ZNF141: variants seen among roughly 807,000 people sequenced by gnomAD.
ZNF141 encodes the protein zinc finger protein 141.
Under a neutral mutation model 11.3 loss-of-function variants are expected in ZNF141, and 7 were observed. The observed-to-expected ratio is 0.62, with a 90% CI of 0.35 to 1.16. The LOEUF is 1.16. Ranked by LOEUF, ZNF141 falls within the 50% of genes most tolerant of loss-of-function variation. ZNF141 has a pLI of 0.02. For missense variants in ZNF141, 535 were observed against 554.0 expected (o/e 0.97, Z 0.34); for synonymous variants, 183 against 190.7 (o/e 0.96, Z 0.33).
intron 3 of ZNF141, among the ~76,000 whole-genome samples, chr4:371,171 T>C (rs183102869): frequency 1.1e-4 from 17 of 150,396 alleles, no homozygotes; most frequent in African/African-American, 3.4e-4. Flanking sequence ...ATTTAGCTCA[T>C]TGAGTTTTAT....
In ZNF141 at chr4:384,713, T is replaced by A. The variant is rs529304182; in HGVS notation, c.*10851T>A. 6.6e-6 allele frequency: 1 copy of A among 152,238 alleles called. No individual in the cohort carries two copies. Among genetic ancestry groups the A allele is most frequent in the South Asian group, 2.1e-4 (1 of 4,822 alleles). 9.4% of individuals were successfully genotyped at this position (152,238 alleles called of 1,614,324 possible). A position where few individuals can be genotyped will look rare whatever the true frequency, so the allele number is the denominator to read the frequency against. On this transcript the variant is annotated 3_prime_UTR_variant, in exon 4 of 4. Transcript: ENST00000240499. ...GATACAACACCCTTAGCGGGGAAAT[T>A]TACCCCTCCCATTTGGGCAGAACCC... is the stretch of plus-strand genomic sequence containing the variant.
At chr4:349,421 TTTCTTTTCCACTCTGGAGAGC>T in intron 3 of ZNF141, among the ~76,000 whole-genome samples, 1 of 152,274 alleles carries the variant, frequency 6.6e-6, no homozygotes, top group Non-Finnish European at 1.5e-5. Flanking sequence ...AACTTTTTTA[TTTCTTTTCCACTCTGGAGAGC>T]TTTATTCTCC....
intron 1 of ZNF141, among the ~76,000 whole-genome samples, chr4:341,749 A>C (rs868966348): frequency 2.0e-5 from 3 of 152,198 alleles, no homozygotes; most frequent in African/African-American, 7.2e-5. Context: ...AGAACTGATT[A>C]ATAGAGGAGA....
Position 372,792 on chromosome 4 carries a change from A to C in ZNF141, c.355A>C (p.Ser119Arg). 1 of 1,613,956 alleles carries C rather than the reference A, an allele frequency of 6.2e-7. No homozygotes were observed. Among genetic ancestry groups the C allele is most frequent in the Non-Finnish European group, 8.5e-7 (1 of 1,179,916 alleles). The change falls in exon 4 of 4, where the codon AGT becomes CGT. Residue 119 changes from serine to arginine, a missense_variant. Coordinates refer to ENST00000240499, the MANE Select transcript of ZNF141 (RefSeq NM_003441.4). ...DNLQLRKGCKSLNECKLQKGG... is the reference protein window; with the variant it reads ...DNLQLRKGCKRLNECKLQKGG... ...TTTACAATTAAGAAAAGGCTGTAAA[A>C]GTTTGAATGAGTGTAAGTTGCAGAA...
intron 3 of ZNF141, among the ~76,000 whole-genome samples, chr4:365,342 C>T (rs570231084): frequency 6.6e-6 from 1 of 152,314 alleles, no homozygotes; most frequent in African/African-American, 2.4e-5. Flanking sequence ...CTGCACTGCA[C>T]CCACTGTCCA....
At chr4:365,503 G>T (rs1364664138) in intron 3 of ZNF141, among the ~76,000 whole-genome samples, 1 of 145,526 alleles carries the variant, frequency 6.9e-6, no homozygotes, top group Non-Finnish European at 1.6e-5. Flanking sequence ...TAAATTGTGT[G>T]TTATTTTTGT....
Position 337,877 on chromosome 4 carries a change from G to T in ZNF141, c.-107G>T. The T allele has an allele frequency of 1.4e-6, 2 of 1,449,542 alleles. No individual in the cohort carries two copies. The highest frequency in any genetic ancestry group is 1.9e-6 in the Non-Finnish European group (2 of 1,046,194). 89.8% of individuals were successfully genotyped at this position (1,449,542 alleles called of 1,614,324 possible). Reference sequence around the variant, plus strand: ...GCTTCATCTCTCTGCGTTCTCAGTTGTGGGAGGCCTTGGTGATTCGGCCAC... The same window carrying T: ...GCTTCATCTCTCTGCGTTCTCAGTTTTGGGAGGCCTTGGTGATTCGGCCAC... On this transcript the variant is annotated 5_prime_UTR_variant, in exon 1 of 4. Coordinates refer to ENST00000240499, the MANE Select transcript of ZNF141 (RefSeq NM_003441.4).
intron 1 of ZNF141, among the ~76,000 whole-genome samples, chr4:341,062 A>C (rs1213192463): frequency 1.4e-5 from 2 of 145,610 alleles, no homozygotes; most frequent in Admixed American, 6.9e-5. Context: ...TAGGTCAAAA[A>C]AACATTTTTC....
Position 372,612 on chromosome 4 carries a change from T to C in ZNF141, c.227-52T>C, listed in dbSNP as rs184679082. On this transcript the variant is annotated intron_variant, in intron 3 of 3. Coordinates refer to ENST00000240499, the MANE Select transcript of ZNF141 (RefSeq NM_003441.4). ...ATAATTTCATAAGATTTGTAAAGTA[T>C]ATTTATATGAATCTACTAAGTGGGA... 9.0e-5 allele frequency: 123 copies of C among 1,373,300 alleles called. 2 individuals carry two copies. The East Asian group carries it at 1.9e-3, about 21-fold the overall frequency. 85.1% of individuals were successfully genotyped at this position (1,373,300 alleles called of 1,614,324 possible).
intron 1 of ZNF141, chr4:342,713 A>T (rs1721110047): frequency 9.2e-7 from 1 of 1,083,492 alleles, no homozygotes; most frequent in Admixed American, 1.9e-5. Flanking sequence ...TGTTCTGCCC[A>T]CAGATCCTGT....
rs1372101225 is a variant in ZNF141 at position 379,163 on chromosome 4, A to G, written c.*5301A>G. Among the ~76,000 whole-genome samples, 1 of 151,804 alleles carries G rather than the reference A, an allele frequency of 6.6e-6. No individual in the cohort carries two copies. On this transcript the variant is annotated 3_prime_UTR_variant, in exon 4 of 4. Transcript: ENST00000240499. ...CAGCCTCTCAGTGATTTTTGATGCAAATTCATTTACTGTGTTCACGAAGTG... is the reference window on the plus strand; with the variant it reads ...CAGCCTCTCAGTGATTTTTGATGCAGATTCATTTACTGTGTTCACGAAGTG...
intron 3 of ZNF141, among the ~76,000 whole-genome samples, chr4:360,834 A>G (rs1160249074): frequency 6.6e-6 from 1 of 152,146 alleles, no homozygotes; most frequent in Non-Finnish European, 1.5e-5. Context: ...CGAATTTTCT[A>G]TTGCCTATAA....
At chr4:346,437 C>T (rs2108687087) in intron 3 of ZNF141, among the ~76,000 whole-genome samples, 1 of 152,272 alleles carries the variant, frequency 6.6e-6, no homozygotes, top group East Asian at 1.9e-4. Context: ...TCTATTACTT[C>T]ACCTAGATAA....
rs1553854772 is a variant in ZNF141, at chr4:377,111, AC to A, written c.*3252del. On this transcript the variant is annotated 3_prime_UTR_variant, in exon 4 of 4. Coordinates refer to ENST00000240499, the MANE Select transcript of ZNF141 (RefSeq NM_003441.4). ...TTCATTTTGTTGTTTTAATTTAAGA[AC>A]CCTATATAAGCTGTTTTCTTTAGTT... Among the ~76,000 whole-genome samples the A allele has an allele frequency of 1.3e-5, 2 of 152,112 alleles. No homozygotes were observed. The highest frequency in any genetic ancestry group is 4.8e-5 in the African/African-American group (2 of 41,432).
At position 373,858 on chromosome 4, in the gene ZNF141, C is replaced by T. The variant is rs587776959; in HGVS notation, c.1421C>T (p.Thr474Ile). Residue 474 changes from threonine (T) to isoleucine (I), a missense_variant, in exon 4 of 4, where the codon ACT becomes ATT. Transcript: ENST00000240499. ...SHLNKHKKIHT is the reference protein window; with the variant it reads ...SHLNKHKKIHI The stretch of plus-strand genomic sequence containing the variant: ...CTGAATAAACATAAGAAAATTCATA[C>T]TTGAGAGAAATCCTACAAATGTAAA... 1.3e-6 allele frequency: 2 copies of T among 1,598,106 alleles called. No homozygotes were observed. The highest frequency in any genetic ancestry group is 1.7e-6 in the Non-Finnish European group (2 of 1,171,834).
chr4:351,692 G>A (rs1721610736), intron 3 of ZNF141, among the ~76,000 whole-genome samples: 1 of 152,082 alleles, frequency 6.6e-6, no homozygotes, highest in Non-Finnish European at 1.5e-5. Context: ...CTGGGAATCC[G>A]AGACCTAAGC....
In ZNF141 at chr4:366,864, C is replaced by T. The variant is rs374539019; in HGVS notation, c.227-5800C>T. On this transcript the variant is annotated intron_variant, in intron 3 of 3. Coordinates refer to ENST00000240499, the MANE Select transcript of ZNF141 (RefSeq NM_003441.4). The stretch of plus-strand genomic sequence containing the variant: ...TGTATTTTTAGGAGAGACAGTGTTT[C>T]GCCATGTTGACCAGGCTGGTCTTGA... 1.3e-4 allele frequency among the ~76,000 whole-genome samples: 19 copies of T among 151,946 alleles called. 1 individual carries two copies. The highest frequency in any genetic ancestry group is 6.9e-3 in the Middle Eastern group (2 of 288).
intron 3 of ZNF141, among the ~76,000 whole-genome samples, chr4:350,868 T>C (rs1721562051): frequency 6.6e-6 from 1 of 151,606 alleles, no homozygotes; most frequent in African/African-American, 2.4e-5. Context: ...ACCTCCAGAG[T>C]AGCTGGGATT....
At chr4:351,575 C>T (rs149058744) in intron 3 of ZNF141, among the ~76,000 whole-genome samples, 7 of 152,218 alleles carry the variant, frequency 4.6e-5, no homozygotes, top group African/African-American at 1.7e-4. Context: ...ATGTAAGTGC[C>T]TTACAATTTT....
Sources: allele counts gnomAD v4.1 joint callset (sites outside exome capture counted in the v4.1 genomes callset), GRCh38; gene constraint gnomAD v4.1.1; transcripts MANE v1.5; gene names NCBI Gene and HGNC (gene_info 2026-07-23, HGNC 2026-07-21).